PRSS38: variants seen among roughly 807,000 people sequenced by gnomAD.
PRSS38 encodes the protein serine protease 38.
PRSS38 carries 22 observed loss-of-function variants against 26.8 expected under a neutral mutation model. The observed-to-expected ratio is 0.82, with a 90% confidence interval of 0.59 to 1.17. The LOEUF (loss-of-function observed/expected upper bound fraction) is 1.17. Among genes scored for constraint, PRSS38 ranks in the 50% most tolerant of loss-of-function variants. The probability of loss-of-function intolerance (pLI) is 0.00; values close to 1 mark genes in which losing one functional copy is unlikely to be tolerated. For missense variants in PRSS38, 427 were observed against 422.7 expected, an observed-to-expected ratio of 1.01 and a Z score of -0.09; for synonymous variants, 175 against 172.1, an observed-to-expected ratio of 1.02 and a Z score of -0.13.
chr1:227,827,189 G>T (rs1281069436), intron 3 of PRSS38, among the ~76,000 whole-genome samples: 3 of 152,104 alleles, frequency 2.0e-5, no homozygotes, highest in Admixed American at 2.0e-4. Context: ...GGATGATGCT[G>T]GCCTCATAGA....
chr1:227,836,333 C>G (rs1003221254), intron 3 of PRSS38, among the ~76,000 whole-genome samples: 1 of 152,000 alleles, frequency 6.6e-6, no homozygotes, highest in East Asian at 1.9e-4. Context: ...GGGATCCTCC[C>G]GCTTCTCAAA....
chr1:227,843,638 G>T (rs996970181), intron 3 of PRSS38, among the ~76,000 whole-genome samples: 5 of 152,080 alleles, frequency 3.3e-5, no homozygotes, highest in Non-Finnish European at 7.4e-5. Context: ...GGAGGCAGAG[G>T]TTGCAGTGAG....
At chr1:227,833,651 G>A (rs1665195385) in intron 3 of PRSS38, among the ~76,000 whole-genome samples, 1 of 152,186 alleles carries the variant, frequency 6.6e-6, no homozygotes, top group Admixed American at 6.5e-5. Context: ...GAATGGAATT[G>A]AGAGTTCAGA....
intron 3 of PRSS38, among the ~76,000 whole-genome samples, chr1:227,824,742 G>A (rs922349036): frequency 1.3e-5 from 2 of 152,070 alleles, no homozygotes; most frequent in Non-Finnish European, 2.9e-5. Flanking sequence ...GTTGTTTCTT[G>A]ACTTTTTAGT....
chr1:227,846,260 C>T (rs1665429830), exon 5 of PRSS38: 1 of 1,587,114 alleles, frequency 6.3e-7, no homozygotes, highest in African/African-American at 1.3e-5. Flanking sequence ...TGCCCCAGCC[C>T]AGCTGCCTCC....
chr1:227,838,723 G>A (rs1665273829), intron 3 of PRSS38, among the ~76,000 whole-genome samples: 1 of 152,180 alleles, frequency 6.6e-6, no homozygotes, highest in Non-Finnish European at 1.5e-5. Context: ...GAGCAAGTTA[G>A]ATGGATGTTT....
chr1:227,817,183 T>C, intron 2 of PRSS38, 26 bp from the exon 3 acceptor site: 4 of 1,601,702 alleles, frequency 2.5e-6, no homozygotes, highest in Non-Finnish European at 3.4e-6. Context: ...GCTGCGGGCA[T>C]TGTACCTCTG....
chr1:227,817,454 C>T (rs761448833), exon 3 of PRSS38: 23 of 1,613,976 alleles, frequency 1.4e-5, no homozygotes, highest in Middle Eastern at 3.3e-4. Context: ...TGCTGGGCTA[C>T]GGGATGGGGA....
intron 3 of PRSS38, among the ~76,000 whole-genome samples, chr1:227,819,053 G>T (rs1413033254): frequency 1.3e-5 from 2 of 152,124 alleles, no homozygotes; most frequent in Non-Finnish European, 2.9e-5. Flanking sequence ...TATTGTGTAA[G>T]ACTGTAATTC....
intron 3 of PRSS38, among the ~76,000 whole-genome samples, chr1:227,836,051 A>G (rs1665234025): frequency 6.6e-6 from 1 of 152,130 alleles, no homozygotes; most frequent in Admixed American, 6.5e-5. Context: ...AAGCCTGGGC[A>G]ACATAGCAAG....
At chr1:227,831,539 T>C (rs1301580526) in intron 3 of PRSS38, among the ~76,000 whole-genome samples, 1 of 152,176 alleles carries the variant, frequency 6.6e-6, no homozygotes, top group African/African-American at 2.4e-5. Context: ...GCTGATAATG[T>C]TTTTAAGTCT....
At chr1:227,824,571 T>G (rs1665045192) in intron 3 of PRSS38, among the ~76,000 whole-genome samples, 1 of 152,160 alleles carries the variant, frequency 6.6e-6, no homozygotes, top group Non-Finnish European at 1.5e-5. Context: ...TTATATTACT[T>G]TGGGAATATA....
Position 227,817,373 on chromosome 1 carries a change from G to A in PRSS38, c.476G>A (p.Arg159His), listed in dbSNP as rs74588116. Residue 159 changes from arginine to histidine, a missense_variant, in exon 3 of 5, where the codon CGC becomes CAC. Physicochemically the swap from Arg to His is conservative, Grantham distance 29. Coordinates refer to ENST00000366757, the Ensembl canonical transcript of PRSS38. ...GTGGCCCTGGTGCAGCTGAAGACCC[G>A]CATTGTGTTTTCTGAGTCCGTGCTC... 2.2e-3 allele frequency: 3,519 copies of A among 1,614,154 alleles called. 65 individuals are homozygous for A. The African/African-American group carries it at 0.04, about 18-fold the overall frequency.
chr1:227,845,958 A>T (rs1665423780), exon 5 of PRSS38: 1 of 1,613,786 alleles, frequency 6.2e-7, no homozygotes, highest in Non-Finnish European at 8.5e-7. Context: ...TTCTAGGGCG[A>T]CTCCGGGGGC....
Position 227,816,143 on chromosome 1 carries a change from G to A in PRSS38, c.202G>A (p.Glu68Lys), listed in dbSNP as rs773691820. The A allele has an allele frequency of 1.6e-5, 26 of 1,613,660 alleles. 1 individual carries two copies. In the Admixed American group the frequency reaches 1.8e-4, roughly 11 times the overall value. ...AATCCTGGGCGGCGTCCCTGCGCCC[G>A]AGAGGAAGTGGCCGTGGCAGGTCAG... The change falls in exon 2 of 5, where the codon GAG (glutamate) becomes AAG (lysine). Residue 68 changes from glutamate (E) to lysine (K), a missense_variant. Glu to Lys is a moderately conservative substitution (Grantham distance 56). Transcript: ENST00000366757. The surrounding 1 kb of genome is among the most constrained non-coding windows in gnomAD (Gnocchi z 5.1).
intron 3 of PRSS38, among the ~76,000 whole-genome samples, chr1:227,842,125 T>C (rs1220811735): frequency 1.3e-5 from 2 of 152,154 alleles, no homozygotes; most frequent in Non-Finnish European, 2.9e-5. Context: ...TGCCTCCCAT[T>C]AGGCCCACCT....
chr1:227,822,414 C>T (rs1665015912), intron 3 of PRSS38, among the ~76,000 whole-genome samples: 1 of 151,938 alleles, frequency 6.6e-6, no homozygotes, highest in Non-Finnish European at 1.5e-5. Flanking sequence ...TTATTGAAAA[C>T]AGGAGTGTTG....
chr1:227,843,500 C>T (rs940578144), intron 3 of PRSS38, among the ~76,000 whole-genome samples: 3 of 151,868 alleles, frequency 2.0e-5, no homozygotes, highest in Non-Finnish European at 2.9e-5. Flanking sequence ...GTCAGGAGTT[C>T]GAGACCAGCC....
intron 3 of PRSS38, among the ~76,000 whole-genome samples, chr1:227,845,021 C>T (rs1355168960): frequency 2.0e-5 from 3 of 146,348 alleles, no homozygotes; most frequent in Non-Finnish European, 4.5e-5. Flanking sequence ...GGGCTGCTCT[C>T]TATGTGTGGT....
Sources: allele counts gnomAD v4.1 joint callset (sites outside exome capture counted in the v4.1 genomes callset), GRCh38; gene constraint gnomAD v4.1.1; non-coding constraint Gnocchi (gnomAD v3.1); transcripts MANE v1.5; gene names NCBI Gene and HGNC (gene_info 2026-07-23, HGNC 2026-07-21).